CDH12: variants seen among roughly 807,000 people sequenced by gnomAD.
CDH12 encodes the protein cadherin-12.
CDH12 carries 41 observed loss-of-function variants against 74.1 expected under a neutral mutation model. The ratio of observed to expected loss-of-function variants is 0.55; its 90% confidence interval spans 0.43 to 0.72. The LOEUF (loss-of-function observed/expected upper bound fraction) is 0.72, where lower values mean the gene tolerates loss of function less well. Ranked by LOEUF, CDH12 falls within the 30% of genes least tolerant of loss-of-function variation. CDH12 has a pLI of 0.00. For missense variants in CDH12, 945 were observed against 977.2 expected, an observed-to-expected ratio of 0.97 and a Z score of 0.44; for synonymous variants, 399 against 355.0, an observed-to-expected ratio of 1.12 and a Z score of -1.39.
At chr5:22,519,430 T>C (rs1290195882) in intron 1 of CDH12, among the ~76,000 whole-genome samples, 1 of 151,246 alleles carries the variant, frequency 6.6e-6, no homozygotes, top group African/African-American at 2.4e-5. Flanking sequence ...CACTCTTTTT[T>C]TTTTTTTTTT....
chr5:22,122,316 T>C lies in CDH12; in HGVS notation c.-186-43454A>G, dbSNP rs554160284. On this transcript the variant is annotated intron_variant, in intron 4 of 14. Coordinates refer to ENST00000382254, the MANE Select transcript of CDH12 (RefSeq NM_004061.5). ...TACTTGGGAGGCTGAAGGAGGAGAA[T>C]TGCTTGAACCCAGGAGGCAGAGGTT... is the stretch of plus-strand genomic sequence containing the variant. Among the ~76,000 whole-genome samples the C allele has an allele frequency of 9.0e-4, 137 of 152,164 alleles. 2 individuals are homozygous for C. The highest frequency in any genetic ancestry group is 2.9e-3 in the African/African-American group (119 of 41,522).
chr5:21,999,673 A>AT (rs1736496296), intron 5 of CDH12, among the ~76,000 whole-genome samples: 1 of 151,084 alleles, frequency 6.6e-6, no homozygotes, highest in African/African-American at 2.4e-5. Context: ...CTGCAATGGG[A>AT]TTTTCCAGTC....
chr5:22,808,435 T>G (rs1171547033), intron 1 of CDH12, among the ~76,000 whole-genome samples: 1 of 152,060 alleles, frequency 6.6e-6, no homozygotes, highest in African/African-American at 2.4e-5. Context: ...TTGTTAGAGA[T>G]GAAAAAATAG....
chr5:21,820,514 G>A (rs1335771585), intron 8 of CDH12, among the ~76,000 whole-genome samples: 1 of 151,960 alleles, frequency 6.6e-6, no homozygotes, highest in Non-Finnish European at 1.5e-5. Context: ...AATATACAGA[G>A]CAATAGATTT....
At chr5:22,243,356 G>A (rs1244719284) in intron 3 of CDH12, among the ~76,000 whole-genome samples, 4 of 152,014 alleles carry the variant, frequency 2.6e-5, no homozygotes, top group African/African-American at 9.7e-5. Flanking sequence ...ACAAATAAAT[G>A]TTAAGAATAA....
chr5:22,688,297 C>T (rs1348190701), intron 1 of CDH12, among the ~76,000 whole-genome samples: 3 of 151,952 alleles, frequency 2.0e-5, no homozygotes, highest in Non-Finnish European at 4.4e-5. Flanking sequence ...TCGTTATTTG[C>T]CAATGTAAAC....
chr5:22,336,597 G>C (rs1366468276), intron 3 of CDH12, among the ~76,000 whole-genome samples: 2 of 152,214 alleles, frequency 1.3e-5, no homozygotes, highest in Admixed American at 6.5e-5. Context: ...TGGCTTCAGA[G>C]GGTGCAAGCC....
chr5:22,194,294 TTTTC>T (rs917393480), intron 4 of CDH12, among the ~76,000 whole-genome samples: 3 of 140,460 alleles, frequency 2.1e-5, no homozygotes, highest in African/African-American at 7.5e-5. Context: ...CTTTCTTTAC[TTTTC>T]TTTTTCTTTC....
At chr5:21,970,416 C>T (rs572885285) in intron 6 of CDH12, among the ~76,000 whole-genome samples, 1 of 152,174 alleles carries the variant, frequency 6.6e-6, no homozygotes, top group African/African-American at 2.4e-5. Context: ...CTCTCTATGG[C>T]ATTTTTGTGA....
At chr5:22,443,528 T>A (rs137860330) in intron 2 of CDH12, among the ~76,000 whole-genome samples, 1 of 152,168 alleles carries the variant, frequency 6.6e-6, no homozygotes, top group Non-Finnish European at 1.5e-5. Flanking sequence ...GGAGATTTAT[T>A]AATCCAGTCA....
At chr5:22,059,691 T>C (rs150263399) in intron 5 of CDH12, among the ~76,000 whole-genome samples, 330 of 152,270 alleles carry the variant, frequency 2.2e-3, no homozygotes, top group African/African-American at 7.7e-3. Flanking sequence ...GAAAATATCA[T>C]AAATTCATGT....
intron 6 of CDH12, chr5:21,889,477 CT>C (rs1211329435): frequency 3.0e-5 from 18 of 597,240 alleles, no homozygotes; most frequent in Non-Finnish European, 3.6e-5. Flanking sequence ...CAGACATTGC[CT>C]TTGTGGGGCT....
chr5:22,014,220 G>A (rs1737465202), intron 5 of CDH12, among the ~76,000 whole-genome samples: 1 of 152,096 alleles, frequency 6.6e-6, no homozygotes, highest in Non-Finnish European at 1.5e-5. Flanking sequence ...GACAGAGCAA[G>A]ACTCCTCCGT....
chr5:22,371,297 C>T (rs1741276549), intron 3 of CDH12, among the ~76,000 whole-genome samples: 1 of 151,966 alleles, frequency 6.6e-6, no homozygotes, highest in African/African-American at 2.4e-5. Flanking sequence ...TAAATGTACA[C>T]ACACATTTTA....
chr5:22,457,057 A>G (rs1745305946), intron 2 of CDH12, among the ~76,000 whole-genome samples: 1 of 152,166 alleles, frequency 6.6e-6, no homozygotes, highest in South Asian at 2.1e-4. Flanking sequence ...AAAGCAATCA[A>G]GCTTTCAGAG....
intron 3 of CDH12, among the ~76,000 whole-genome samples, chr5:22,327,115 C>T (rs151286696): frequency 3.4e-3 from 519 of 151,900 alleles, no homozygotes; most frequent in Non-Finnish European, 5.6e-3. Flanking sequence ...TGCAGAAAAA[C>T]TTTTTTCTGC....
At chr5:22,430,304 A>G (rs1298396440) in intron 2 of CDH12, among the ~76,000 whole-genome samples, 1 of 152,108 alleles carries the variant, frequency 6.6e-6, no homozygotes, top group Non-Finnish European at 1.5e-5. Context: ...CACGGTACAC[A>G]TCAGAGAGAT....
At chr5:22,650,999 T>A (rs963876101) in intron 1 of CDH12, among the ~76,000 whole-genome samples, 14 of 152,068 alleles carry the variant, frequency 9.2e-5, no homozygotes, top group Admixed American at 6.6e-4. Context: ...TTAGTGTATT[T>A]CCATGTTTAA....
chr5:22,060,997 A>G (rs1277396556), intron 5 of CDH12, among the ~76,000 whole-genome samples: 1 of 152,190 alleles, frequency 6.6e-6, no homozygotes, highest in Non-Finnish European at 1.5e-5. Context: ...TATAGTAAAA[A>G]AAATTCCTTT....
Sources: gnomAD v4.1 joint callset for allele counts (sites outside exome capture counted in the v4.1 genomes callset) on GRCh38, gnomAD v4.1.1 for gene constraint, MANE v1.5 for transcripts, NCBI Gene and HGNC (gene_info 2026-07-23, HGNC 2026-07-21) for gene names.